PDE4D: variants seen among roughly 807,000 people sequenced by gnomAD.
PDE4D encodes the protein phosphodiesterase 4D.
A neutral mutation model predicts 87.4 loss-of-function variants in PDE4D; 24 were observed. The ratio of observed to expected loss-of-function variants is 0.27; its 90% confidence interval spans 0.20 to 0.39. The LOEUF (loss-of-function observed/expected upper bound fraction) is 0.39, where lower values mean the gene tolerates loss of function less well. PDE4D is among the 10% of genes least tolerant of loss of function. The pLI, the probability that PDE4D is intolerant of heterozygous loss-of-function variation, is 1.00. For synonymous variants in PDE4D, 384 were observed against 383.2 expected (o/e 1.00, Z -0.02); for missense variants, 714 against 1,041.0 (o/e 0.69, Z 4.32).
intron 3 of PDE4D, among the ~76,000 whole-genome samples, chr5:59,916,820 C>T (rs2152775030): frequency 6.6e-6 from 1 of 151,830 alleles, no homozygotes; most frequent in East Asian, 1.9e-4. Context: ...CAGAGTCTCA[C>T]TCTACCATCC....
intron 3 of PDE4D, among the ~76,000 whole-genome samples, chr5:59,914,869 GT>G (rs1753861842): frequency 6.8e-4 from 34 of 49,646 alleles, no homozygotes; most frequent in African/African-American, 1.9e-3. Context: ...TGATAGGGGT[GT>G]GTGTGTGTGT....
intron 1 of PDE4D, among the ~76,000 whole-genome samples, chr5:59,364,570 A>C: frequency 6.6e-6 from 1 of 152,282 alleles, no homozygotes; most frequent in East Asian, 1.9e-4. Context: ...TTATATTTGA[A>C]AATAAAACAA....
chr5:59,673,571 A>T (rs781218619), intron 1 of PDE4D, among the ~76,000 whole-genome samples: 1 of 152,180 alleles, frequency 6.6e-6, no homozygotes, highest in African/African-American at 2.4e-5. Context: ...CCAGGTTTCT[A>T]TGTGAAATAC....
intron 1 of PDE4D, among the ~76,000 whole-genome samples, chr5:59,608,546 C>T (rs1828538423): frequency 6.6e-6 from 1 of 152,102 alleles, no homozygotes; most frequent in Non-Finnish European, 1.5e-5. Flanking sequence ...TAGGAGAACA[C>T]CAACACTAGT....
At chr5:60,151,258 C>A (rs1781476213) in intron 2 of PDE4D, among the ~76,000 whole-genome samples, 1 of 152,142 alleles carries the variant, frequency 6.6e-6, no homozygotes, top group Non-Finnish European at 1.5e-5. Context: ...GATCTGCCTG[C>A]CTCAGTCTTC....
intron 1 of PDE4D, among the ~76,000 whole-genome samples, chr5:60,520,150 A>G (rs1315019521): frequency 2.6e-5 from 4 of 152,118 alleles, no homozygotes; most frequent in Admixed American, 1.3e-4. Context: ...TGTGCAATGT[A>G]CAGACATAGG....
At chr5:60,351,540 T>A (rs988985654) in intron 1 of PDE4D, among the ~76,000 whole-genome samples, 2 of 152,146 alleles carry the variant, frequency 1.3e-5, no homozygotes, top group Admixed American at 6.5e-5. Flanking sequence ...CTTGAGAATG[T>A]GAGCCATGTG....
intron 3 of PDE4D, among the ~76,000 whole-genome samples, chr5:59,958,526 A>G (rs1041547718): frequency 2.0e-5 from 3 of 152,202 alleles, no homozygotes; most frequent in South Asian, 2.1e-4. Context: ...CAAACACCAT[A>G]AAAGACAGAG....
intron 5 of PDE4D, among the ~76,000 whole-genome samples, chr5:59,142,693 T>C (rs945800327): frequency 1.3e-5 from 2 of 152,236 alleles, no homozygotes; most frequent in African/African-American, 4.8e-5. Flanking sequence ...TCCCAGCACT[T>C]TGGGAGGCCC....
upstream of PDE4D, among the ~76,000 whole-genome samples, chr5:59,897,424 A>G (rs1290087581): frequency 1.3e-5 from 2 of 151,924 alleles, no homozygotes; most frequent in East Asian, 3.9e-4. Flanking sequence ...GTCCATTTCT[A>G]TCTTGGCAAT....
At chr5:59,738,445 G>A (rs1758387183) in intron 1 of PDE4D, among the ~76,000 whole-genome samples, 2 of 151,964 alleles carry the variant, frequency 1.3e-5, no homozygotes, top group South Asian at 4.1e-4. Context: ...ATCATGGGGG[G>A]GAAGGCAGAA....
chr5:59,535,096 A>T, intron 1 of PDE4D, among the ~76,000 whole-genome samples: 1 of 149,770 alleles, frequency 6.7e-6, no homozygotes, highest in Admixed American at 6.7e-5. Context: ...GTCCTCTATC[A>T]TGTATCTAGC....
chr5:59,232,112 G>A (rs1385321026), intron 1 of PDE4D, among the ~76,000 whole-genome samples: 1 of 152,098 alleles, frequency 6.6e-6, no homozygotes, highest in Non-Finnish European at 1.5e-5. Flanking sequence ...GTACCAGATC[G>A]AAATAGGCTT....
intron 1 of PDE4D, among the ~76,000 whole-genome samples, chr5:59,269,591 G>A (rs1763440710): frequency 6.6e-6 from 1 of 151,960 alleles, no homozygotes; most frequent in African/African-American, 2.4e-5. Flanking sequence ...GATCTTAACA[G>A]TCATTAGCTT....
At chr5:59,427,292 T>TACACAC (rs60646746) in intron 1 of PDE4D, among the ~76,000 whole-genome samples, 3,591 of 132,266 alleles carry the variant, frequency 0.027, 59 homozygotes, top group East Asian at 0.078. Flanking sequence ...AGTGATTTTA[T>TACACAC]ACACACACAC....
rs554972225 is a variant in PDE4D at position 59,877,534 on chromosome 5, G to T, written c.455+15634C>A. On this transcript the variant is annotated intron_variant, in intron 1 of 14. Coordinates refer to ENST00000340635, the MANE Select transcript of PDE4D (RefSeq NM_001104631.2). ...ACAAAAAAAAAGCTTAGATAAGTTT[G>T]CAGGGCATGGTGGGTCACTCCTGTA... Among the ~76,000 whole-genome samples, 19 of 150,746 alleles carry T rather than the reference G, an allele frequency of 1.3e-4. No individual in the cohort carries two copies. The South Asian group carries it at 4.0e-3, about 32-fold the overall frequency.
intron 2 of PDE4D, among the ~76,000 whole-genome samples, chr5:59,995,085 G>T (rs1763395556): frequency 6.6e-6 from 1 of 152,120 alleles, no homozygotes; most frequent in Non-Finnish European, 1.5e-5. Flanking sequence ...CAAGTTGAAA[G>T]AAAGTGCTAG....
intron 1 of PDE4D, among the ~76,000 whole-genome samples, chr5:59,456,047 G>A (rs1303690956): frequency 1.3e-5 from 2 of 152,182 alleles, no homozygotes; most frequent in Non-Finnish European, 2.9e-5. Flanking sequence ...CAGATGAGAT[G>A]TAGGACTGTG....
chr5:59,481,142 C>G (rs1049777427), intron 1 of PDE4D, among the ~76,000 whole-genome samples: 1 of 152,000 alleles, frequency 6.6e-6, no homozygotes, highest in Non-Finnish European at 1.5e-5. Flanking sequence ...CTATTCTGAC[C>G]GTTAGCTTAT....
Sources: gnomAD v4.1 joint callset for allele counts (sites outside exome capture counted in the v4.1 genomes callset) on GRCh38, gnomAD v4.1.1 for gene constraint, MANE v1.5 for transcripts, NCBI Gene and HGNC (gene_info 2026-07-23, HGNC 2026-07-21) for gene names.